Variants in RGMA observed in about 807,000 individuals in gnomAD.
RGMA encodes the protein repulsive guidance molecule A.
Under a neutral mutation model 23.2 loss-of-function variants are expected in RGMA, and 10 were observed. The observed-to-expected ratio is 0.43, with a 90% CI of 0.27 to 0.73. RGMA has a LOEUF of 0.73. Among genes scored for constraint, RGMA ranks in the 30% least tolerant of loss-of-function variants. The pLI is 0.20. For missense variants in RGMA, 547 were observed against 630.5 expected (o/e 0.87, Z 1.42); for synonymous variants, 308 against 279.3 (o/e 1.10, Z -1.03).
rs770854914 is a variant in RGMA at position 93,044,650 on chromosome 15, AG to A, written c.*347del. The A allele has an allele frequency of 1.3e-3, 387 of 296,000 alleles. No homozygotes were observed. Among genetic ancestry groups the A allele is most frequent in the Non-Finnish European group, 1.9e-3 (316 of 170,520 alleles). 18.3% of individuals were successfully genotyped at this position (296,000 alleles called of 1,614,324 possible). A position where few individuals can be genotyped will look rare whatever the true frequency, so the allele number is the denominator to read the frequency against. On this transcript the variant is annotated 3_prime_UTR_variant, in exon 4 of 4. Coordinates refer to ENST00000329082, the MANE Select transcript of RGMA (RefSeq NM_020211.3). ...CGGCCGGGCCTTTCAGTGCATTGCG[AG>A]GGGGAAGGAGCTGACTCTGACGGTT...
Position 93,067,952 on chromosome 15 carries a change from G to A in RGMA, c.130+4964C>T, listed in dbSNP as rs555293765. Among the ~76,000 whole-genome samples the A allele has an allele frequency of 3.3e-5, 5 of 152,242 alleles. No homozygotes were observed. In the South Asian group the frequency reaches 6.2e-4, roughly 19 times the overall value. On this transcript the variant is annotated intron_variant, in intron 2 of 3. Coordinates refer to ENST00000329082, the MANE Select transcript of RGMA (RefSeq NM_020211.3). ...AACAGGCAGGACCAGGAGGAGGAAG[G>A]ACCCATGGCCCCAGGTGATTAGACC... is the stretch of plus-strand genomic sequence containing the variant.
At chr15:93,072,367 C>T (rs1342780386) in intron 2 of RGMA, among the ~76,000 whole-genome samples, 1 of 152,206 alleles carries the variant, frequency 6.6e-6, no homozygotes, top group Non-Finnish European at 1.5e-5. Flanking sequence ...AGAAAGTTAT[C>T]AAACAGGAAC....
intron 1 of RGMA, among the ~76,000 whole-genome samples, chr15:93,075,462 A>G (rs1895457674): frequency 6.6e-6 from 1 of 152,256 alleles, no homozygotes; most frequent in South Asian, 2.1e-4. Flanking sequence ...GGATATATGT[A>G]CAACATAATG....
In RGMA at chr15:93,044,800, T is replaced by C. The variant is rs1969589; in HGVS notation, c.*198A>G. 0.9 allele frequency: 539,954 copies of C among 599,176 alleles called. 250,776 individuals are homozygous for C. Among genetic ancestry groups the C allele is most frequent in the Non-Finnish European group, 0.97 (327,337 of 336,826 alleles). 37.1% of individuals were successfully genotyped at this position (599,176 alleles called of 1,614,324 possible). ...CACACAGCTCTACTGTCAAACATCA[T>C]GGCACCAGTCACCACAACCTTGTCA... On this transcript the variant is annotated 3_prime_UTR_variant, in exon 4 of 4. Transcript: ENST00000329082.
intron 1 of RGMA, among the ~76,000 whole-genome samples, chr15:93,087,470 A>AAAAAAC (rs1301174438): frequency 1.1e-4 from 16 of 149,250 alleles, no homozygotes; most frequent in Admixed American, 7.3e-4. Context: ...TGTGCAAAAA[A>AAAAAAC]AAAAAAAAAA....
Position 93,045,762 on chromosome 15 carries a change from C to T in RGMA, c.646-57G>A. On this transcript the variant is annotated intron_variant, in intron 3 of 3. Coordinates refer to ENST00000329082, the MANE Select transcript of RGMA (RefSeq NM_020211.3). The surrounding 1 kb of genome is among the most constrained non-coding windows in gnomAD (Gnocchi z 6.9). ...GAGGCACAGTGGGAGGAGGCACAGC[C>T]CCACACTTAAGATGCTCTAGACTGA... 1 of 1,280,786 alleles carries T rather than the reference C, an allele frequency of 7.8e-7. No individual in the cohort carries two copies. Among genetic ancestry groups the T allele is most frequent in the Non-Finnish European group, 1.1e-6 (1 of 897,258 alleles). The allele number at this position is 1,280,786 out of a possible 1,614,324, so 79.3% of individuals were successfully genotyped here.
intron 1 of RGMA, among the ~76,000 whole-genome samples, chr15:93,079,888 T>C (rs1895530415): frequency 6.6e-6 from 1 of 152,124 alleles, no homozygotes. Context: ...TGCATGCCTG[T>C]GGACACAGGT....
chr15:93,044,591 G>A lies in RGMA; in HGVS notation c.*407C>T, dbSNP rs918741114. 2.7e-5 allele frequency: 7 copies of A among 258,814 alleles called. No homozygotes were observed. Among genetic ancestry groups the A allele is most frequent in the Admixed American group, 2.5e-4 (5 of 19,920 alleles). The allele number at this position is 258,814 out of a possible 1,614,324, so 16.0% of individuals were successfully genotyped here. A position where few individuals can be genotyped will look rare whatever the true frequency, so the allele number is the denominator to read the frequency against. Reference sequence around the variant, plus strand: ...AAGAGTGTGTGCGTGCGTGTGGCGGGCACAGGGGGCCCCACGGATCGGCGA... The same window carrying A: ...AAGAGTGTGTGCGTGCGTGTGGCGGACACAGGGGGCCCCACGGATCGGCGA... On this transcript the variant is annotated 3_prime_UTR_variant, in exon 4 of 4. Transcript: ENST00000329082.
At chr15:93,047,830 C>T (rs1209693543) in intron 3 of RGMA, among the ~76,000 whole-genome samples, 1 of 152,170 alleles carries the variant, frequency 6.6e-6, no homozygotes, top group Non-Finnish European at 1.5e-5. Flanking sequence ...AGATGTGTGG[C>T]GAGGGCACAG....
intron 3 of RGMA, among the ~76,000 whole-genome samples, chr15:93,048,436 G>C (rs1189737973): frequency 6.6e-6 from 1 of 152,166 alleles, no homozygotes; most frequent in Non-Finnish European, 1.5e-5. Context: ...TTCTGTGCCT[G>C]ATGGAGGCTG....
At chr15:93,051,643 G>A (rs2054921066) in intron 3 of RGMA, among the ~76,000 whole-genome samples, 1 of 152,192 alleles carries the variant, frequency 6.6e-6, no homozygotes, top group African/African-American at 2.4e-5. Flanking sequence ...GGCCTCGTGG[G>A]GCCGCTCAGA....
chr15:93,083,132 T>A (rs1037356594), intron 1 of RGMA, among the ~76,000 whole-genome samples: 2 of 152,232 alleles, frequency 1.3e-5, no homozygotes, highest in African/African-American at 4.8e-5. Flanking sequence ...CAGCATCCAT[T>A]TACTCATGAA....
chr15:93,059,178 C>G (rs2055062892), intron 2 of RGMA, among the ~76,000 whole-genome samples: 1 of 152,286 alleles, frequency 6.6e-6, no homozygotes. Flanking sequence ...TGCCACAAGT[C>G]CCTCCTCAGG....
Position 93,039,739 on chromosome 15 carries a change from G to A in RGMA, c.*5259C>T, listed in dbSNP as rs7163476. 26,665 of 152,126 alleles carry A rather than the reference G, an allele frequency of 0.18. 2,504 individuals are homozygous for A. Among genetic ancestry groups the A allele is most frequent in the Middle Eastern group, 0.23 (67 of 294 alleles). 9.4% of individuals were successfully genotyped at this position (152,126 alleles called of 1,614,324 possible). A position where few individuals can be genotyped will look rare whatever the true frequency, so the allele number is the denominator to read the frequency against. ...AGGACATGAACTCATCCCTTTTTATGGCTGCATAGTACTCCATGGCGTATA... is the reference window on the plus strand; with the variant it reads ...AGGACATGAACTCATCCCTTTTTATAGCTGCATAGTACTCCATGGCGTATA... On this transcript the variant is annotated 3_prime_UTR_variant, in exon 4 of 4. Transcript: ENST00000329082.
rs779339156 is a variant in RGMA, at chr15:93,052,236, G to A, written c.402C>T (p.Asp134=). The change falls in exon 3 of 4, where the codon GAC becomes GAT. Residue 134 remains aspartate (D), a synonymous_variant. Transcript: ENST00000329082. The part of the protein sequence containing the change: ...PRLRTLPPAG[D]SQERSDSPEI... The stretch of plus-strand genomic sequence containing the variant: ...CGGGGCTGTCCGAGCGCTCCTGGCT[G>A]TCTCCGGCCGGTGGGAGCGTGCGCA... The A allele has an allele frequency of 1.2e-6, 2 of 1,607,464 alleles. No individual in the cohort carries two copies. The highest frequency in any genetic ancestry group is 1.7e-6 in the Non-Finnish European group (2 of 1,175,724).
chr15:93,061,046 C>T (rs1287987507), intron 2 of RGMA, among the ~76,000 whole-genome samples: 1 of 152,270 alleles, frequency 6.6e-6, no homozygotes, highest in African/African-American at 2.4e-5. Flanking sequence ...TGATATTCCT[C>T]TAGGAGGTGG....
In RGMA at chr15:93,044,755, A is replaced by AG. The variant is rs1415361067; in HGVS notation, c.*242dup. The AG allele has an allele frequency of 1.8e-6, 1 of 565,130 alleles. No homozygotes were observed. Among genetic ancestry groups the AG allele is most frequent in the Non-Finnish European group, 3.1e-6 (1 of 317,680 alleles). The allele number at this position is 565,130 out of a possible 1,614,324, so 35.0% of individuals were successfully genotyped here. A position where few individuals can be genotyped will look rare whatever the true frequency, so the allele number is the denominator to read the frequency against. On this transcript the variant is annotated 3_prime_UTR_variant, in exon 4 of 4. Transcript: ENST00000329082. The stretch of plus-strand genomic sequence containing the variant: ...ACATTCACACTGCAGGGGCGGGGCG[A>AG]GGGGAGCTGCTCTCCCTCTCACACA...
In RGMA at chr15:93,059,625, C is replaced by T. The variant is rs28672819; in HGVS notation, c.131-7118G>A. ...TGTGTGTGTGGCCTCATTTCCCATGCGAGGGGCTGGGCAGTCCCCACGGGC... is the reference window on the plus strand; with the variant it reads ...TGTGTGTGTGGCCTCATTTCCCATGTGAGGGGCTGGGCAGTCCCCACGGGC... On this transcript the variant is annotated intron_variant, in intron 2 of 3. Transcript: ENST00000329082. Among the ~76,000 whole-genome samples, 1,243 of 152,274 alleles carry T rather than the reference C, an allele frequency of 8.2e-3. 4 individuals carry two copies. The highest frequency in any genetic ancestry group is 0.01 in the Middle Eastern group (3 of 294).
In RGMA at chr15:93,045,676, C is replaced by A. The variant is rs2141793130; in HGVS notation, c.675G>T (p.Glu225Asp). 2.5e-6 allele frequency: 4 copies of A among 1,606,026 alleles called. No homozygotes were observed. The East Asian group carries it at 8.9e-5, about 36-fold the overall frequency. The change falls in exon 4 of 4, where the codon GAG becomes GAT. Residue 225 changes from glutamate to aspartate, a missense_variant. Transcript: ENST00000329082. This position sits in a 1 kb window ranked among gnomAD's most constrained non-coding sequence, Gnocchi z 6.9. ...KLTIIFKNFQ[E>D]CVDQKVYQAE... is the part of the protein sequence containing the mutation. ...CCTGGTACACCTTCTGGTCCACACA[C>A]TCCTGGAAGTTCTTGAAGATGATGG...
Sources: gnomAD v4.1 joint callset for allele counts (sites outside exome capture counted in the v4.1 genomes callset) on GRCh38, gnomAD v4.1.1 for gene constraint, Gnocchi (gnomAD v3.1) non-coding constraint, MANE v1.5 for transcripts, NCBI Gene and HGNC (gene_info 2026-07-23, HGNC 2026-07-21) for gene names.